The following MS4A4E variants were observed in gnomAD, a reference collection of about 807,000 sequenced individuals.
The protein encoded by MS4A4E is putative membrane-spanning 4-domains subfamily A member 4E.
A neutral mutation model predicts 13.3 loss-of-function variants in MS4A4E; 23 were observed. The observed-to-expected ratio is 1.73, with a 90% CI of 1.25 to 2.45. MS4A4E has a LOEUF of 2.45. Ranked by LOEUF, MS4A4E falls within the 30% of genes most tolerant of loss-of-function variation. The pLI, the probability that MS4A4E is intolerant of heterozygous loss-of-function variation, is 0.00. For synonymous variants in MS4A4E, 36 were observed against 45.6 expected (o/e 0.79, Z 0.85); for missense variants, 144 against 131.2 (o/e 1.10, Z -0.48).
chr11:60,229,016 C>T (rs2084376354), intron 2 of MS4A4E, among the ~76,000 whole-genome samples: 1 of 152,090 alleles, frequency 6.6e-6, no homozygotes, highest in Non-Finnish European at 1.5e-5. Context: ...GAGAATGAAC[C>T]CCATTGTGAT....
At chr11:60,227,422 G>T (rs1590722417) in intron 3 of MS4A4E, among the ~76,000 whole-genome samples, 1 of 152,082 alleles carries the variant, frequency 6.6e-6, no homozygotes, top group Non-Finnish European at 1.5e-5. Context: ...ATAGTGGCAG[G>T]CGCCTGTAGT....
Position 60,201,520 on chromosome 11 carries a change from G to A in MS4A4E, c.*23C>T, listed in dbSNP as rs1345402225. 1 of 278,638 alleles carries A rather than the reference G, an allele frequency of 3.6e-6. No individual in the cohort carries two copies. Among genetic ancestry groups the A allele is most frequent in the Admixed American group, 4.6e-5 (1 of 21,602 alleles). The allele number at this position is 278,638 out of a possible 1,614,324, so 17.3% of individuals were successfully genotyped here. A position where few individuals can be genotyped will look rare whatever the true frequency, so the allele number is the denominator to read the frequency against. On this transcript the variant is annotated 3_prime_UTR_variant, in exon 9 of 9. Coordinates refer to ENST00000651255, the MANE Select transcript of MS4A4E (RefSeq NM_001393391.1). ...CTCCTCACATCCCAGACAGGGCGGTGGGGCAAAGGCGCTCCCCACATCTCA... is the reference window on the plus strand; with the variant it reads ...CTCCTCACATCCCAGACAGGGCGGTAGGGCAAAGGCGCTCCCCACATCTCA...
At chr11:60,225,205 G>A in intron 3 of MS4A4E, 2 of 1,030,132 alleles carry the variant, frequency 1.9e-6, no homozygotes, top group Non-Finnish European at 2.6e-6. Context: ...ATAGTCATAT[G>A]ACCTTGATAT....
At chr11:60,228,488 T>C (rs2084369851) in intron 3 of MS4A4E, 106 bp downstream of exon 3, 3 of 580,056 alleles carry the variant, frequency 5.2e-6, no homozygotes, top group Non-Finnish European at 9.2e-6. Context: ...CTCTCCTTCA[T>C]TGTTGACTGA....
At chr11:60,238,480 TA>T (rs1488850535) in intron 1 of MS4A4E, among the ~76,000 whole-genome samples, 2 of 152,128 alleles carry the variant, frequency 1.3e-5, no homozygotes, top group Non-Finnish European at 1.5e-5. Flanking sequence ...GTATCCCTTA[TA>T]ATTTCTTTAA....
chr11:60,207,266 T>C (rs1035640250), intron 6 of MS4A4E, among the ~76,000 whole-genome samples: 2 of 152,136 alleles, frequency 1.3e-5, no homozygotes, highest in African/African-American at 4.8e-5. Context: ...TTAGCCAAGA[T>C]ATGCCCCAAA....
intron 6 of MS4A4E, among the ~76,000 whole-genome samples, chr11:60,207,376 A>G (rs1161973664): frequency 3.9e-5 from 6 of 152,240 alleles, no homozygotes; most frequent in African/African-American, 1.4e-4. Context: ...ATATCATGAC[A>G]TGAAAGTTAC....
At chr11:60,229,079 T>A (rs2084376786) in intron 2 of MS4A4E, among the ~76,000 whole-genome samples, 1 of 152,210 alleles carries the variant, frequency 6.6e-6, no homozygotes, top group African/African-American at 2.4e-5. Context: ...CTGGAACAAA[T>A]GTCCCACTCT....
intron 8 of MS4A4E, among the ~76,000 whole-genome samples, chr11:60,203,240 A>C (rs2084006319): frequency 6.6e-6 from 1 of 152,082 alleles, no homozygotes; most frequent in Non-Finnish European, 1.5e-5. Flanking sequence ...AATTCTTTAT[A>C]TGTCACCTAT....
At chr11:60,214,919 C>A (rs1450995704) in intron 3 of MS4A4E, among the ~76,000 whole-genome samples, 1 of 151,990 alleles carries the variant, frequency 6.6e-6, no homozygotes, top group East Asian at 1.9e-4. Context: ...AGAAGTAATT[C>A]TTATATGGTA....
intron 2 of MS4A4E, 141 bp downstream of exon 2, chr11:60,229,771 A>T (rs1002872781): frequency 2.7e-6 from 2 of 731,804 alleles, no homozygotes; most frequent in Non-Finnish European, 4.3e-6. Context: ...TTTCAAAGAA[A>T]GGGCCTGAAA....
Position 60,225,170 on chromosome 11 carries a change from C to A in MS4A4E, c.178+3424G>T, listed in dbSNP as rs796718864. On this transcript the variant is annotated intron_variant, in intron 3 of 8. Coordinates refer to ENST00000651255, the MANE Select transcript of MS4A4E (RefSeq NM_001393391.1). ...TGCCACTCCCTTTCCAATCACTAAG[C>A]TATCCTTATTCTTTTTCATTTGATA... is the stretch of plus-strand genomic sequence containing the variant. 6 of 1,325,850 alleles carry A rather than the reference C, an allele frequency of 4.5e-6. No homozygotes were observed. The South Asian group carries it at 5.9e-5, about 13-fold the overall frequency. 82.1% of individuals were successfully genotyped at this position (1,325,850 alleles called of 1,614,324 possible).
At chr11:60,236,036 TTAG>T (rs1565129866) in intron 1 of MS4A4E, among the ~76,000 whole-genome samples, 1 of 152,216 alleles carries the variant, frequency 6.6e-6, no homozygotes. Context: ...CTTTTCTCAC[TTAG>T]TAGTTGTGTT....
chr11:60,201,212 C>T lies in MS4A4E; in HGVS notation c.*331G>A. On this transcript the variant is annotated 3_prime_UTR_variant, in exon 9 of 9. Transcript: ENST00000651255. Reference sequence around the variant, plus strand: ...GGCTGGGCAGAGGCGCCCCTCACCTCCCGGACGGGGCGGCTGGCCGGGCGG... The same window carrying T: ...GGCTGGGCAGAGGCGCCCCTCACCTTCCGGACGGGGCGGCTGGCCGGGCGG... 6.5e-6 allele frequency: 1 copy of T among 153,850 alleles called. No individual in the cohort carries two copies. 9.5% of individuals were successfully genotyped at this position (153,850 alleles called of 1,614,324 possible). A position where few individuals can be genotyped will look rare whatever the true frequency, so the allele number is the denominator to read the frequency against.
intron 3 of MS4A4E, among the ~76,000 whole-genome samples, chr11:60,222,331 G>A (rs948832075): frequency 6.6e-6 from 1 of 152,166 alleles, no homozygotes; most frequent in Admixed American, 6.5e-5. Flanking sequence ...GCACTCACTT[G>A]TTGGCTAAAG....
Position 60,208,961 on chromosome 11 carries a change from T to A in MS4A4E, c.382-267A>T, listed in dbSNP as rs540710733. ...CATGGAAGATGAAAGTGCTTTAAAA[T>A]GTTAGGAAGGTAGTATAAAGATAAT... On this transcript the variant is annotated intron_variant, in intron 5 of 8. Coordinates refer to ENST00000651255, the MANE Select transcript of MS4A4E (RefSeq NM_001393391.1). The A allele has an allele frequency of 5.6e-4, 110 of 196,900 alleles. 2 individuals are homozygous for A. Among genetic ancestry groups the A allele is most frequent in the Admixed American group, 2.6e-3 (45 of 17,474 alleles). The allele number at this position is 196,900 out of a possible 1,614,324, so 12.2% of individuals were successfully genotyped here. A position where few individuals can be genotyped will look rare whatever the true frequency, so the allele number is the denominator to read the frequency against.
At position 60,243,007 on chromosome 11, in the gene MS4A4E, C is replaced by G; in HGVS notation, c.-66G>C. The G allele has an allele frequency of 6.5e-7, 1 of 1,549,396 alleles. No individual in the cohort carries two copies. The highest frequency in any genetic ancestry group is 8.8e-7 in the Non-Finnish European group (1 of 1,138,708). On this transcript the variant is annotated 5_prime_UTR_variant, in exon 1 of 9. Coordinates refer to ENST00000651255, the MANE Select transcript of MS4A4E (RefSeq NM_001393391.1). Reference sequence around the variant, plus strand: ...CTGCAGGTCTGATGAGTGCAGGGCTCTGGGCAAGTTCCTCAAAGTTCTTTG... The same window carrying G: ...CTGCAGGTCTGATGAGTGCAGGGCTGTGGGCAAGTTCCTCAAAGTTCTTTG...
At chr11:60,214,650 G>A (rs2084168071) in intron 3 of MS4A4E, 36 bp from the exon 4 acceptor site, 1 of 1,400,890 alleles carries the variant, frequency 7.1e-7, no homozygotes, top group South Asian at 1.3e-5. Flanking sequence ...GAAAAAAATG[G>A]AGATAAAAAG....
At chr11:60,204,988 A>G (rs2084022185) in intron 7 of MS4A4E, among the ~76,000 whole-genome samples, 30 bp from the exon 8 acceptor site, 1 of 152,196 alleles carries the variant, frequency 6.6e-6, no homozygotes, top group African/African-American at 2.4e-5. Context: ...TAGCATTGAA[A>G]GAAGGAGGGC....
Sources: allele counts gnomAD v4.1 joint callset (sites outside exome capture counted in the v4.1 genomes callset), GRCh38; gene constraint gnomAD v4.1.1; transcripts MANE v1.5; gene names NCBI Gene and HGNC (gene_info 2026-07-23, HGNC 2026-07-21).